The following GLP1R variants were observed in gnomAD, a reference collection of about 807,000 sequenced individuals.
The protein encoded by GLP1R is glucagon like peptide 1 receptor.
GLP1R carries 32 observed loss-of-function variants against 68.4 expected under a neutral mutation model. The ratio of observed to expected loss-of-function variants is 0.47; its 90% CI spans 0.35 to 0.63. The LOEUF is 0.63. GLP1R is among the 20% of genes least tolerant of loss of function. The probability of loss-of-function intolerance (pLI) is 0.00; values close to 1 mark genes in which losing one functional copy is unlikely to be tolerated. For synonymous variants in GLP1R, 263 were observed against 244.4 expected (o/e 1.08, Z -0.71); for missense variants, 502 against 594.9 (o/e 0.84, Z 1.62).
intron 3 of GLP1R, among the ~76,000 whole-genome samples, chr6:39,058,521 A>G (rs1768274635): frequency 6.6e-6 from 1 of 152,110 alleles, no homozygotes; most frequent in African/African-American, 2.4e-5. Flanking sequence ...GTGCCCCGCT[A>G]TCTATCCCAG....
intron 3 of GLP1R, among the ~76,000 whole-genome samples, chr6:39,061,388 C>T (rs1311479260): frequency 6.6e-6 from 1 of 152,222 alleles, no homozygotes; most frequent in Non-Finnish European, 1.5e-5. Flanking sequence ...TCATTAGCTA[C>T]ACCTCCTCCT....
chr6:39,081,107 C>G (rs901087496), intron 12 of GLP1R, among the ~76,000 whole-genome samples: 1 of 151,748 alleles, frequency 6.6e-6, no homozygotes, highest in Admixed American at 6.6e-5. Context: ...TTAATAATCA[C>G]TATCTCATTT....
chr6:39,078,493 CA>C, intron 8 of GLP1R, 111 bp downstream of exon 8: 1 of 798,934 alleles, frequency 1.3e-6, no homozygotes. Flanking sequence ...AGGGGGGTAC[CA>C]GGAGCTTAGA....
Position 39,055,107 on chromosome 6 carries a change from G to A in GLP1R, c.79-1290G>A, listed in dbSNP as rs925707270. Among the ~76,000 whole-genome samples the A allele has an allele frequency of 9.2e-5, 14 of 152,154 alleles. 1 individual carries two copies. Among genetic ancestry groups the A allele is most frequent in the African/African-American group, 7.2e-5 (3 of 41,430 alleles). ...AGCTGGGCCCTTCCATGGGGCCTCC[G>A]AGGCAGCAAGGGGTGAGCAAGGCAA... On this transcript the variant is annotated intron_variant, in intron 1 of 12. Coordinates refer to ENST00000373256, the MANE Select transcript of GLP1R (RefSeq NM_002062.5).
At chr6:39,080,844 C>T in intron 12 of GLP1R, 105 bp downstream of exon 12, 2 of 666,282 alleles carry the variant, frequency 3.0e-6, no homozygotes, top group Non-Finnish European at 2.6e-6. Context: ...CTGAAACCCC[C>T]TACTCACCTC....
rs961473826 is a variant in GLP1R, at chr6:39,086,024, C to T, written c.1343C>T (p.Thr448Met). The change falls in exon 13 of 13, where the codon ACG becomes ATG. Residue 448 changes from threonine to methionine, a missense_variant. Thr to Met is a moderately conservative substitution (Grantham distance 81). Transcript: ENST00000373256. The surrounding 1 kb of genome is among the most constrained non-coding windows in gnomAD (Gnocchi z 4.5). ...ACCAGCAGCCTGAGCAGTGGAGCCA[C>T]GGCGGGCAGCAGCATGTACACAGCC... ...CPTSSLSSGA[T>M]AGSSMYTATC... 15 of 1,613,910 alleles carry T rather than the reference C, an allele frequency of 9.3e-6. No homozygotes were observed. Among genetic ancestry groups the T allele is most frequent in the Middle Eastern group, 1.6e-4 (1 of 6,082 alleles).
chr6:39,080,382 G>T (rs1017903134), intron 11 of GLP1R, among the ~76,000 whole-genome samples: 1 of 152,224 alleles, frequency 6.6e-6, no homozygotes, highest in Non-Finnish European at 1.5e-5. Flanking sequence ...TCAAGGAGAG[G>T]TTGGATGTAG....
chr6:39,066,377 C>T (rs1356657945), intron 5 of GLP1R, 74 bp downstream of exon 5: 2 of 786,716 alleles, frequency 2.5e-6, no homozygotes, highest in Non-Finnish European at 4.4e-6. Context: ...AGCAGCCCAA[C>T]ACCAAATCAA....
At chr6:39,078,532 TCC>T in intron 8 of GLP1R, 150 bp downstream of exon 8, 1 of 674,930 alleles carries the variant, frequency 1.5e-6, no homozygotes, top group East Asian at 2.6e-5. Context: ...TAATCTCCCC[TCC>T]CTGCCCCTGC....
At position 39,079,060 on chromosome 6, in the gene GLP1R, T is replaced by C. The variant is rs760873769; in HGVS notation, c.954+34T>C. ...TGGTGTCAGGGATGGGAGTGGCAGC[T>C]ATGATAGGGCTGGGCTGGTGCCCCC... is the stretch of plus-strand genomic sequence containing the variant. On this transcript the variant is annotated intron_variant, in intron 9 of 12. Transcript: ENST00000373256. This position sits in a 1 kb window ranked among gnomAD's most constrained non-coding sequence, Gnocchi z 4.5. 1 of 1,609,602 alleles carries C rather than the reference T, an allele frequency of 6.2e-7. No homozygotes were observed. Among genetic ancestry groups the C allele is most frequent in the South Asian group, 1.1e-5 (1 of 91,006 alleles).
chr6:39,056,890 C>T (rs1768227011), intron 2 of GLP1R, among the ~76,000 whole-genome samples: 1 of 152,178 alleles, frequency 6.6e-6, no homozygotes, highest in South Asian at 2.1e-4. Flanking sequence ...CCCGGCCTTT[C>T]CATTTTTGTC....
At position 39,079,467 on chromosome 6, in the gene GLP1R, T is replaced by A. The variant is rs1157088144; in HGVS notation, c.1044-97T>A. ...GGTGGGAGAACATCCATGACCCAGA[T>A]ATCAGGACTTGGTAGGAAGTGGGGA... is the stretch of plus-strand genomic sequence containing the variant. On this transcript the variant is annotated intron_variant, in intron 10 of 12. Coordinates refer to ENST00000373256, the MANE Select transcript of GLP1R (RefSeq NM_002062.5). The surrounding 1 kb of genome is among the most constrained non-coding windows in gnomAD (Gnocchi z 4.5). 8.1e-7 allele frequency: 1 copy of A among 1,231,362 alleles called. No individual in the cohort carries two copies. Among genetic ancestry groups the A allele is most frequent in the Non-Finnish European group, 1.1e-6 (1 of 878,528 alleles). 76.3% of individuals were successfully genotyped at this position (1,231,362 alleles called of 1,614,324 possible). A position where few individuals can be genotyped will look rare whatever the true frequency, so the allele number is the denominator to read the frequency against.
At chr6:39,078,451 G>C in intron 8 of GLP1R, 69 bp downstream of exon 8, 1 of 1,070,138 alleles carries the variant, frequency 9.3e-7, no homozygotes, top group East Asian at 2.4e-5. Flanking sequence ...GGATTCCTTG[G>C]TACCTGGGGC....
At chr6:39,075,559 A>C (rs776073364) in intron 7 of GLP1R, among the ~76,000 whole-genome samples, 1 of 152,112 alleles carries the variant, frequency 6.6e-6, no homozygotes, top group Admixed American at 6.5e-5. Flanking sequence ...ACCCTAGCTC[A>C]GGGCTCGGGG....
chr6:39,063,638 G>A (rs79483612), intron 3 of GLP1R, among the ~76,000 whole-genome samples: 42 of 152,068 alleles, frequency 2.8e-4, no homozygotes, highest in Non-Finnish European at 2.4e-4. Context: ...TTCAGGGTTT[G>A]TTTGGGAAAG....
At chr6:39,082,768 G>A (rs900781521) in intron 12 of GLP1R, among the ~76,000 whole-genome samples, 3 of 152,120 alleles carry the variant, frequency 2.0e-5, no homozygotes, top group African/African-American at 7.2e-5. Context: ...AAGACAGGGT[G>A]GCATGTATCC....
intron 5 of GLP1R, among the ~76,000 whole-genome samples, chr6:39,066,571 C>T (rs958488044): frequency 6.6e-6 from 1 of 152,218 alleles, no homozygotes; most frequent in African/African-American, 2.4e-5. Context: ...AACCTCAAAA[C>T]CTTAACCGTC....
chr6:39,060,948 C>G (rs925513534), intron 3 of GLP1R, among the ~76,000 whole-genome samples: 4 of 152,186 alleles, frequency 2.6e-5, no homozygotes, highest in African/African-American at 9.6e-5. Flanking sequence ...GAGGCCAGAG[C>G]CACCCCTTCT....
At chr6:39,062,453 T>TG (rs1345245648) in intron 3 of GLP1R, among the ~76,000 whole-genome samples, 2 of 152,250 alleles carry the variant, frequency 1.3e-5, no homozygotes, top group East Asian at 3.8e-4. Flanking sequence ...AATTGACAGA[T>TG]GCACTTGCAC....
Sources: allele counts gnomAD v4.1 joint callset (sites outside exome capture counted in the v4.1 genomes callset), GRCh38; gene constraint gnomAD v4.1.1; non-coding constraint Gnocchi (gnomAD v3.1); transcripts MANE v1.5; gene names NCBI Gene and HGNC (gene_info 2026-07-23, HGNC 2026-07-21).